Variants in PEX7 observed in about 807,000 individuals in gnomAD.
PEX7 encodes the protein peroxisomal biogenesis factor 7.
A neutral mutation model predicts 47.5 loss-of-function variants in PEX7; 34 were observed. That is an observed-to-expected ratio of 0.72 (90% confidence interval 0.54 to 0.95). The LOEUF (loss-of-function observed/expected upper bound fraction) is 0.95, where lower values mean the gene tolerates loss of function less well. Among genes scored for constraint, PEX7 ranks in the 40% least tolerant of loss-of-function variants. The pLI, the probability that PEX7 is intolerant of heterozygous loss-of-function variation, is 0.00. For synonymous variants in PEX7, 141 were observed against 148.8 expected, an observed-to-expected ratio of 0.95 and a Z score of 0.38; for missense variants, 394 against 400.3, an observed-to-expected ratio of 0.98 and a Z score of 0.13.
chr6:136,854,972 C>T (rs758799049), intron 5 of PEX7, among the ~76,000 whole-genome samples: 1 of 151,970 alleles, frequency 6.6e-6, no homozygotes, highest in Admixed American at 6.6e-5. Flanking sequence ...CCTGTAATCC[C>T]AGCTACTTGG....
At chr6:136,845,770 A>G (rs1385667532) in intron 4 of PEX7, 78 bp downstream of exon 4, 3 of 919,454 alleles carry the variant, frequency 3.3e-6, no homozygotes, top group Non-Finnish European at 5.5e-6. Flanking sequence ...TCTTTTTCCA[A>G]CATACTTCTG....
chr6:136,833,228 G>GGA (rs1267302222), intron 3 of PEX7, among the ~76,000 whole-genome samples: 4 of 152,122 alleles, frequency 2.6e-5, no homozygotes, highest in Non-Finnish European at 5.9e-5. Context: ...GAAGGTGACA[G>GGA]GAGAGAGAGA....
chr6:136,830,006 G>A (rs1216022298), intron 3 of PEX7: 4 of 707,312 alleles, frequency 5.7e-6, no homozygotes, highest in African/African-American at 5.3e-5. Flanking sequence ...TTTTCCACCA[G>A]TATGTTCAGG....
At chr6:136,855,112 G>T (rs1774835880) in intron 5 of PEX7, among the ~76,000 whole-genome samples, 2 of 151,642 alleles carry the variant, frequency 1.3e-5, no homozygotes, top group Non-Finnish European at 2.9e-5. Context: ...ACTGAAGCAT[G>T]CTTCTGTTCT....
rs1472250957 is a variant in PEX7, at chr6:136,900,306, T to G, written c.903+2065T>G. ...CATTTGAGTTGTGTATATTATTAAT[T>G]TATATATTTTTCAAAGGATAATTTG... On this transcript the variant is annotated intron_variant, in intron 9 of 9. Transcript: ENST00000318471. This position sits in a 1 kb window ranked among gnomAD's most constrained non-coding sequence, Gnocchi z 4.2. 3.2e-5 allele frequency: 6 copies of G among 185,884 alleles called. No homozygotes were observed. In the East Asian group the frequency reaches 9.0e-4, roughly 28 times the overall value. 11.5% of individuals were successfully genotyped at this position (185,884 alleles called of 1,614,324 possible). A position where few individuals can be genotyped will look rare whatever the true frequency, so the allele number is the denominator to read the frequency against.
intron 5 of PEX7, chr6:136,855,760 A>G: frequency 2.5e-6 from 1 of 394,568 alleles, no homozygotes; most frequent in South Asian, 2.1e-5. Context: ...AGTTTTAAAA[A>G]GGATATTTCG....
chr6:136,822,849 A>C (rs1582730234), intron 1 of PEX7, 54 bp downstream of exon 1: 6 of 736,106 alleles, frequency 8.2e-6, no homozygotes, highest in Middle Eastern at 5.0e-4. Context: ...GGCGGGGGCC[A>C]GCCGGGCTCC....
intron 9 of PEX7, among the ~76,000 whole-genome samples, chr6:136,907,202 GCT>G (rs937744825): frequency 5.3e-5 from 8 of 152,044 alleles, no homozygotes; most frequent in African/African-American, 1.7e-4. Flanking sequence ...TATCTTGAGT[GCT>G]CGGAAATACA....
intron 3 of PEX7, among the ~76,000 whole-genome samples, chr6:136,835,279 CA>C (rs997362631): frequency 6.7e-6 from 1 of 148,926 alleles, no homozygotes; most frequent in African/African-American, 2.5e-5. Flanking sequence ...TGGGAGCTTA[CA>C]AAAATTTTTT....
At chr6:136,840,210 T>C (rs1052176701) in intron 3 of PEX7, among the ~76,000 whole-genome samples, 13 of 152,210 alleles carry the variant, frequency 8.5e-5, no homozygotes, top group Admixed American at 2.0e-4. Flanking sequence ...AAATGGTATA[T>C]TGAACACACA....
intron 8 of PEX7, among the ~76,000 whole-genome samples, chr6:136,894,894 G>GAAT (rs1335990376): frequency 5.9e-5 from 9 of 152,148 alleles, no homozygotes; most frequent in African/African-American, 1.9e-4. Context: ...TTTCACTTAA[G>GAAT]AATAATGTGC....
intron 9 of PEX7, among the ~76,000 whole-genome samples, chr6:136,902,104 A>G (rs951468112): frequency 6.6e-6 from 1 of 152,202 alleles, no homozygotes; most frequent in African/African-American, 2.4e-5. Flanking sequence ...TTAACATACT[A>G]TATTTATCCT....
chr6:136,868,793 T>C (rs1394015943), intron 6 of PEX7, among the ~76,000 whole-genome samples: 2 of 151,768 alleles, frequency 1.3e-5, no homozygotes, highest in Non-Finnish European at 2.9e-5. Context: ...GTGGACTGAG[T>C]GTGGACCCAG....
At chr6:136,888,180 A>G (rs1177727649) in intron 8 of PEX7, among the ~76,000 whole-genome samples, 1 of 152,092 alleles carries the variant, frequency 6.6e-6, no homozygotes, top group Admixed American at 6.6e-5. Context: ...CCCGTTACCA[A>G]CAAAAAAAGG....
chr6:136,880,804 T>A (rs1038047863), intron 8 of PEX7, among the ~76,000 whole-genome samples: 1 of 152,236 alleles, frequency 6.6e-6, no homozygotes, highest in Non-Finnish European at 1.5e-5. Context: ...ATTACAACAA[T>A]GCTTTGAGAT....
chr6:136,847,731 T>A (rs1207040993), intron 5 of PEX7, among the ~76,000 whole-genome samples: 1 of 152,244 alleles, frequency 6.6e-6, no homozygotes, highest in Non-Finnish European at 1.5e-5. Flanking sequence ...AGTACCATGC[T>A]GTTTTGATTA....
At chr6:136,826,056 T>A (rs1774183381) in intron 2 of PEX7, among the ~76,000 whole-genome samples, 1 of 152,126 alleles carries the variant, frequency 6.6e-6, no homozygotes. Flanking sequence ...CATAAAAAAA[T>A]GTGGAGCAGT....
At chr6:136,856,570 TTC>T (rs1774865985) in intron 5 of PEX7, among the ~76,000 whole-genome samples, 1 of 152,212 alleles carries the variant, frequency 6.6e-6, no homozygotes, top group African/African-American at 2.4e-5. Context: ...CTGTTTCATT[TTC>T]TGTCATGGGC....
intron 8 of PEX7, among the ~76,000 whole-genome samples, chr6:136,879,290 A>G (rs1030868096): frequency 5.3e-5 from 8 of 152,204 alleles, no homozygotes; most frequent in Non-Finnish European, 8.8e-5. Context: ...GAAATGCCAT[A>G]GATTTCTCAA....
Sources: gnomAD v4.1 joint callset for allele counts (sites outside exome capture counted in the v4.1 genomes callset) on GRCh38, gnomAD v4.1.1 for gene constraint, Gnocchi (gnomAD v3.1) non-coding constraint, MANE v1.5 for transcripts, NCBI Gene and HGNC (gene_info 2026-07-23, HGNC 2026-07-21) for gene names.